Variants in PPP2R3A observed in about 807,000 individuals in gnomAD.
PPP2R3A encodes protein phosphatase 2 regulatory subunit B''alpha.
PPP2R3A carries 80 observed loss-of-function variants against 106.9 expected under a neutral mutation model. The observed-to-expected ratio is 0.75, with a 90% CI of 0.62 to 0.90. The LOEUF (loss-of-function observed/expected upper bound fraction) is 0.90, where lower values mean the gene tolerates loss of function less well. PPP2R3A is among the 40% of genes least tolerant of loss of function. The pLI is 0.00. For missense variants in PPP2R3A, 1,386 were observed against 1,350.4 expected (o/e 1.03, Z -0.41); for synonymous variants, 483 against 468.3 (o/e 1.03, Z -0.41).
chr3:136,104,331 A>C (rs1027814704), intron 12 of PPP2R3A, among the ~76,000 whole-genome samples: 1 of 148,286 alleles, frequency 6.7e-6, no homozygotes, highest in African/African-American at 2.6e-5. Context: ...TGTGTGACAG[A>C]GTTTCGCTCT....
intron 5 of PPP2R3A, among the ~76,000 whole-genome samples, chr3:136,062,389 A>G (rs573771791): frequency 6.6e-6 from 1 of 151,988 alleles, no homozygotes; most frequent in Non-Finnish European, 1.5e-5. Context: ...ATGATGGGGG[A>G]GAGGGAGGCA....
chr3:136,111,992 T>G (rs1937598981), intron 13 of PPP2R3A, among the ~76,000 whole-genome samples: 1 of 152,262 alleles, frequency 6.6e-6, no homozygotes, highest in African/African-American at 2.4e-5. Flanking sequence ...GTTCAACATA[T>G]GCAAACCAAT....
intron 6 of PPP2R3A, among the ~76,000 whole-genome samples, chr3:136,075,093 A>G (rs1286634896): frequency 2.0e-5 from 3 of 152,210 alleles, no homozygotes; most frequent in Non-Finnish European, 4.4e-5. Flanking sequence ...TTCAAAAACT[A>G]TATGACAGAG....
Position 136,146,779 on chromosome 3 carries a change from ATTAT to A in PPP2R3A, c.*1618_*1621del, listed in dbSNP as rs973693855. 6.6e-6 allele frequency: 1 copy of A among 152,040 alleles called. No individual in the cohort carries two copies. Among genetic ancestry groups the A allele is most frequent in the Non-Finnish European group, 1.5e-5 (1 of 68,002 alleles). 9.4% of individuals were successfully genotyped at this position (152,040 alleles called of 1,614,324 possible). A position where few individuals can be genotyped will look rare whatever the true frequency, so the allele number is the denominator to read the frequency against. ...ACACTGATAAATTATTAAGATTAAG[ATTAT>A]TTATGTGATAAATGAAATCTCCTAC... is the stretch of plus-strand genomic sequence containing the variant. On this transcript the variant is annotated 3_prime_UTR_variant, in exon 14 of 14. Coordinates refer to ENST00000264977, the MANE Select transcript of PPP2R3A (RefSeq NM_002718.5).
chr3:136,071,591 C>A (rs1936431609), intron 6 of PPP2R3A, among the ~76,000 whole-genome samples: 1 of 152,186 alleles, frequency 6.6e-6, no homozygotes, highest in Non-Finnish European at 1.5e-5. Flanking sequence ...CTCCCTGTTA[C>A]CACTCTAATT....
rs1246326384 is a variant in PPP2R3A, at chr3:136,041,250, GT to G, written c.2366+299del. On this transcript the variant is annotated intron_variant, in intron 4 of 13. Transcript: ENST00000264977. ...CTTGGTTTTTCTTGTTTTTTTTTTT[GT>G]TTTTTTTTTTGTTTTTTTTTTTTTG... Among the ~76,000 whole-genome samples the G allele has an allele frequency of 8.8e-5, 5 of 56,566 alleles. No homozygotes were observed. The South Asian group carries it at 2.5e-3, about 28-fold the overall frequency. 37.1% of individuals were successfully genotyped at this position (56,566 alleles called of 152,430 possible). A position where few individuals can be genotyped will look rare whatever the true frequency, so the allele number is the denominator to read the frequency against.
At chr3:136,108,631 A>G (rs186438988) in intron 13 of PPP2R3A, among the ~76,000 whole-genome samples, 60 of 152,256 alleles carry the variant, frequency 3.9e-4, no homozygotes, top group Admixed American at 1.3e-3. Context: ...GATAATGAAT[A>G]GTGATGGACC....
intron 13 of PPP2R3A, among the ~76,000 whole-genome samples, chr3:136,126,239 T>C (rs547169492): frequency 6.6e-6 from 1 of 152,324 alleles, no homozygotes; most frequent in South Asian, 2.1e-4. Context: ...CGTGACAGAC[T>C]ACCTGGAAAA....
intron 13 of PPP2R3A, among the ~76,000 whole-genome samples, chr3:136,124,361 T>C (rs1230837258): frequency 6.6e-6 from 1 of 152,062 alleles, no homozygotes; most frequent in Admixed American, 6.6e-5. Context: ...CATACACCTA[T>C]AGTTCTAGCT....
intron 13 of PPP2R3A, among the ~76,000 whole-genome samples, chr3:136,114,181 C>T (rs953432410): frequency 6.6e-6 from 1 of 152,100 alleles, no homozygotes; most frequent in African/African-American, 2.4e-5. Context: ...ATTCTCTCCC[C>T]TACCCAAGGG....
chr3:136,076,277 C>T (rs1242408919), intron 6 of PPP2R3A, among the ~76,000 whole-genome samples: 2 of 152,236 alleles, frequency 1.3e-5, no homozygotes, highest in Non-Finnish European at 2.9e-5. Context: ...TCAGCTTCTT[C>T]TTCCGCCCAA....
chr3:136,116,011 C>T (rs1260668584), intron 13 of PPP2R3A, among the ~76,000 whole-genome samples: 1 of 151,904 alleles, frequency 6.6e-6, no homozygotes, highest in Admixed American at 6.6e-5. Flanking sequence ...GTCTGGTTAC[C>T]CACAAAGGGA....
At chr3:136,066,740 C>G (rs34447526) in intron 5 of PPP2R3A, among the ~76,000 whole-genome samples, 55,725 of 151,810 alleles carry the variant, frequency 0.37, 11,814 homozygotes, top group African/African-American at 0.59. Context: ...ATCTCGAGGA[C>G]CGCACCAAGA....
intron 10 of PPP2R3A, among the ~76,000 whole-genome samples, chr3:136,101,708 G>C: frequency 6.6e-6 from 1 of 152,158 alleles, no homozygotes; most frequent in Non-Finnish European, 1.5e-5. Flanking sequence ...TTACAGGCAT[G>C]AGCCACCGTG....
Position 136,126,399 on chromosome 3 carries a change from G to A in PPP2R3A, c.3330-18644G>A, listed in dbSNP as rs561433421. On this transcript the variant is annotated intron_variant, in intron 13 of 13. Transcript: ENST00000264977. Reference sequence around the variant, plus strand: ...CAGCAGTCTGAGATTGAACTGTGAGGTGGTAGCTGGGCTGGGGGAGGGTTA... The same window carrying A: ...CAGCAGTCTGAGATTGAACTGTGAGATGGTAGCTGGGCTGGGGGAGGGTTA... Among the ~76,000 whole-genome samples the A allele has an allele frequency of 8.5e-5, 13 of 152,348 alleles. No homozygotes were observed. The South Asian group carries it at 1.9e-3, about 22-fold the overall frequency.
At position 135,991,142 on chromosome 3, in the gene PPP2R3A, A is replaced by G. The variant is rs369334233; in HGVS notation, c.-440-9917A>G. 3.3e-5 allele frequency among the ~76,000 whole-genome samples: 5 copies of G among 152,152 alleles called. No homozygotes were observed. In the East Asian group the frequency reaches 9.7e-4, roughly 29 times the overall value. ...GTGTGTCGTCTTTTGCGTAAAGGTT[A>G]TGTATCCACTGTCCTGCCCGCTCAG... On this transcript the variant is annotated intron_variant, in intron 1 of 13. Coordinates refer to ENST00000264977, the MANE Select transcript of PPP2R3A (RefSeq NM_002718.5).
intron 2 of PPP2R3A, among the ~76,000 whole-genome samples, chr3:136,016,628 C>G (rs1934278569): frequency 6.6e-6 from 1 of 152,094 alleles, no homozygotes; most frequent in Non-Finnish European, 1.5e-5. Flanking sequence ...ATAAGAATAG[C>G]TACTCCTGCT....
intron 2 of PPP2R3A, among the ~76,000 whole-genome samples, chr3:136,005,936 C>G (rs1278221352): frequency 6.6e-6 from 1 of 152,160 alleles, no homozygotes; most frequent in African/African-American, 2.4e-5. Flanking sequence ...TTACTCAACC[C>G]TCTTCCCCCA....
intron 1 of PPP2R3A, among the ~76,000 whole-genome samples, chr3:135,988,324 C>T (rs1933014403): frequency 6.6e-6 from 1 of 151,788 alleles, no homozygotes; most frequent in Non-Finnish European, 1.5e-5. Context: ...ATAAAACCCA[C>T]TCATGTATCC....
Sources: allele counts gnomAD v4.1 joint callset (sites outside exome capture counted in the v4.1 genomes callset), GRCh38; gene constraint gnomAD v4.1.1; transcripts MANE v1.5; gene names NCBI Gene and HGNC (gene_info 2026-07-23, HGNC 2026-07-21).